RANBP17: variants seen among roughly 807,000 people sequenced by gnomAD.
RANBP17 encodes RAN binding protein 17.
A neutral mutation model predicts 141.2 loss-of-function variants in RANBP17; 158 were observed. The observed-to-expected ratio is 1.12, with a 90% CI of 0.98 to 1.28. The LOEUF (loss-of-function observed/expected upper bound fraction) is 1.28, where lower values mean the gene tolerates loss of function less well. RANBP17 is among the 50% of genes most tolerant of loss of function. The pLI, the probability that RANBP17 is intolerant of heterozygous loss-of-function variation, is 0.00. For missense variants in RANBP17, 1,438 were observed against 1,290.7 expected (o/e 1.11, Z -1.75); for synonymous variants, 430 against 450.0 (o/e 0.96, Z 0.56).
chr5:171,063,124 A>G (rs1182533902), intron 14 of RANBP17, among the ~76,000 whole-genome samples: 1 of 152,048 alleles, frequency 6.6e-6, no homozygotes. Flanking sequence ...TATAGCTCGG[A>G]GTAGTTTGAT....
intron 6 of RANBP17, 130 bp downstream of exon 6, chr5:170,909,895 A>T: frequency 1.8e-6 from 1 of 567,066 alleles, no homozygotes; most frequent in African/African-American, 1.9e-5. Flanking sequence ...ACTTAAGTAT[A>T]GTAAATTTGC....
intron 14 of RANBP17, among the ~76,000 whole-genome samples, chr5:171,000,406 T>C (rs1011754815): frequency 4.6e-5 from 7 of 152,228 alleles, no homozygotes; most frequent in Admixed American, 1.3e-4. Flanking sequence ...TACTTTGTTT[T>C]ACTGAAGTCT....
intron 13 of RANBP17, among the ~76,000 whole-genome samples, chr5:170,961,312 AT>A (rs1248535286): frequency 2.0e-5 from 3 of 152,180 alleles, no homozygotes; most frequent in African/African-American, 7.2e-5. Context: ...ATAAATGCTT[AT>A]TTAGTTGGAT....
chr5:171,162,893 T>C (rs893427611), intron 14 of RANBP17, among the ~76,000 whole-genome samples: 14 of 152,168 alleles, frequency 9.2e-5, no homozygotes, highest in African/African-American at 2.9e-4. Flanking sequence ...CTCCAAGTTT[T>C]CTTATACAAT....
intron 14 of RANBP17, among the ~76,000 whole-genome samples, chr5:170,976,351 G>A (rs1439553773): frequency 6.6e-6 from 1 of 152,102 alleles, no homozygotes; most frequent in Non-Finnish European, 1.5e-5. Flanking sequence ...TGTAATAACT[G>A]GAAAGATATC....
intron 18 of RANBP17, among the ~76,000 whole-genome samples, chr5:171,192,899 T>A (rs981417702): frequency 6.6e-6 from 1 of 152,164 alleles, no homozygotes; most frequent in Non-Finnish European, 1.5e-5. Context: ...CTAAGCAATT[T>A]AGAGGGAAAC....
chr5:171,235,100 C>T (rs1391921645), intron 22 of RANBP17, among the ~76,000 whole-genome samples: 2 of 152,108 alleles, frequency 1.3e-5, no homozygotes, highest in East Asian at 1.9e-4. Flanking sequence ...TCTTGGAAGA[C>T]GAGGTAGTCA....
intron 14 of RANBP17, among the ~76,000 whole-genome samples, chr5:171,055,202 A>G (rs1783260433): frequency 6.6e-6 from 1 of 152,214 alleles, no homozygotes; most frequent in Non-Finnish European, 1.5e-5. Flanking sequence ...GTCCAGAATT[A>G]GAATACTGAT....
intron 14 of RANBP17, among the ~76,000 whole-genome samples, chr5:171,039,518 C>A (rs928391652): frequency 2.0e-5 from 3 of 151,686 alleles, no homozygotes; most frequent in Non-Finnish European, 4.4e-5. Flanking sequence ...ACAAATATTT[C>A]CTCCCGGTTT....
At chr5:170,969,031 C>G (rs1418951852) in intron 14 of RANBP17, among the ~76,000 whole-genome samples, 1 of 151,634 alleles carries the variant, frequency 6.6e-6, no homozygotes, top group Non-Finnish European at 1.5e-5. Context: ...TTCATTTGAA[C>G]TTAGTTTGTT....
chr5:171,155,078 G>GAAAAAAAAAAAAAA (rs145976955), intron 14 of RANBP17, among the ~76,000 whole-genome samples: 1 of 75,038 alleles, frequency 1.3e-5, no homozygotes, highest in Admixed American at 1.9e-4. Flanking sequence ...ACTCCATCTA[G>GAAAAAAAAAAAAAA]AAAAAAAAAA....
At chr5:171,072,369 A>C (rs78115965) in intron 14 of RANBP17, among the ~76,000 whole-genome samples, 126 of 152,174 alleles carry the variant, frequency 8.3e-4, no homozygotes, top group African/African-American at 2.9e-3. Context: ...GTAAATTTGT[A>C]TTGTTTTAAG....
chr5:170,966,560 A>C (rs1385502776), intron 13 of RANBP17, among the ~76,000 whole-genome samples: 2 of 152,152 alleles, frequency 1.3e-5, no homozygotes, highest in Admixed American at 1.3e-4. Context: ...GATAAGAGCT[A>C]TCTATGACAA....
intron 25 of RANBP17, among the ~76,000 whole-genome samples, chr5:171,282,523 G>C (rs926901793): frequency 2.6e-5 from 4 of 152,102 alleles, no homozygotes; most frequent in Admixed American, 2.6e-4. Flanking sequence ...CTGTCGCCCA[G>C]GCTGGAGTGC....
At chr5:171,279,705 A>G (rs1767735811) in intron 25 of RANBP17, among the ~76,000 whole-genome samples, 1 of 151,718 alleles carries the variant, frequency 6.6e-6, no homozygotes, top group African/African-American at 2.4e-5. Flanking sequence ...TAAGGCCAAC[A>G]CGGATTTTTT....
At chr5:171,071,711 ACAAAAAT>A (rs1232431490) in intron 14 of RANBP17, among the ~76,000 whole-genome samples, 1 of 149,308 alleles carries the variant, frequency 6.7e-6, no homozygotes, top group African/African-American at 2.4e-5. Flanking sequence ...CACAACTTGT[ACAAAAAT>A]TAACTCAGAA....
chr5:171,088,863 T>C (rs771304169), intron 14 of RANBP17, among the ~76,000 whole-genome samples: 21 of 152,122 alleles, frequency 1.4e-4, no homozygotes, highest in Non-Finnish European at 1.2e-4. Context: ...TATACATTCA[T>C]CTAAATTTTT....
intron 14 of RANBP17, among the ~76,000 whole-genome samples, chr5:171,071,340 G>A (rs1784623055): frequency 6.6e-6 from 1 of 151,928 alleles, no homozygotes; most frequent in South Asian, 2.1e-4. Flanking sequence ...ATTTTTTGTA[G>A]ATATTGACAA....
intron 22 of RANBP17, among the ~76,000 whole-genome samples, chr5:171,233,053 A>G (rs1451247158): frequency 6.6e-6 from 1 of 152,138 alleles, no homozygotes; most frequent in Non-Finnish European, 1.5e-5. Flanking sequence ...TAGTAATTAG[A>G]AGGTAGACTG....
Sources: allele counts gnomAD v4.1 joint callset (sites outside exome capture counted in the v4.1 genomes callset), GRCh38; gene constraint gnomAD v4.1.1; transcripts MANE v1.5; gene names NCBI Gene and HGNC (gene_info 2026-07-23, HGNC 2026-07-21).